The following SEC13 variants were observed in gnomAD, a reference collection of about 807,000 sequenced individuals.
SEC13 encodes the protein SEC13 homolog, nuclear pore and COPII component.
In SEC13, 25 loss-of-function variants were observed where a neutral mutation model predicts 49.2. That is an observed-to-expected ratio of 0.51 (90% CI 0.37 to 0.71). The LOEUF (loss-of-function observed/expected upper bound fraction) is 0.71. Ranked by LOEUF, SEC13 falls within the 30% of genes least tolerant of loss-of-function variation. The probability of loss-of-function intolerance (pLI) is 0.00; values close to 1 mark genes in which losing one functional copy is unlikely to be tolerated. For missense variants in SEC13, 383 were observed against 417.6 expected (o/e 0.92, Z 0.72); for synonymous variants, 148 against 163.9 (o/e 0.90, Z 0.74).
chr3:10,317,517 C>T lies in SEC13; in HGVS notation c.48+533G>A, dbSNP rs745790375. ...CCTCTTATACTGAGCCTTGTGTTTACCTCTCAGGAAATGCCCTGAGTGTGG... is the reference window on the plus strand; with the variant it reads ...CCTCTTATACTGAGCCTTGTGTTTATCTCTCAGGAAATGCCCTGAGTGTGG... On this transcript the variant is annotated intron_variant, in intron 2 of 8. Transcript: ENST00000350697. Among the ~76,000 whole-genome samples the T allele has an allele frequency of 1.1e-4, 16 of 151,992 alleles. 1 individual carries two copies. The highest frequency in any genetic ancestry group is 2.0e-4 in the Admixed American group (3 of 15,268).
chr3:10,312,944 T>C, intron 3 of SEC13: 1 of 515,532 alleles, frequency 1.9e-6, no homozygotes, highest in Non-Finnish European at 3.5e-6. Flanking sequence ...TCACAGAGCC[T>C]TTGAGAGAGA....
In SEC13 at chr3:10,305,040, C is replaced by T. The variant is rs1308259434; in HGVS notation, c.701G>A (p.Cys234Tyr). 1.2e-6 allele frequency: 2 copies of T among 1,614,108 alleles called. No individual in the cohort carries two copies. Among genetic ancestry groups the T allele is most frequent in the South Asian group, 1.1e-5 (1 of 91,086 alleles). ...IGLPTSTIAS[C>Y]SQDGRVFIWT... The stretch of plus-strand genomic sequence containing the variant: ...TCATGGCCCTGGGCTGACCTGGGAG[C>T]AGCTGGCGATGGTGCTGGTGGGCAG... The change falls in exon 7 of 9, where the codon TGC (cysteine) becomes TAC (tyrosine). Residue 234 changes from cysteine to tyrosine, a missense_variant. Coordinates refer to ENST00000350697, the MANE Select transcript of SEC13 (RefSeq NM_183352.3).
intron 5 of SEC13, among the ~76,000 whole-genome samples, chr3:10,308,933 ATTT>A (rs56801249): frequency 2.1e-4 from 21 of 102,334 alleles, no homozygotes; most frequent in African/African-American, 3.3e-4. Flanking sequence ...CCTGGCCTTG[ATTT>A]TTTTTTTTTT....
At chr3:10,301,632 T>G (rs947984524) in intron 8 of SEC13, among the ~76,000 whole-genome samples, 1 of 152,164 alleles carries the variant, frequency 6.6e-6, no homozygotes, top group African/African-American at 2.4e-5. Flanking sequence ...GTGACAGAGC[T>G]ACAGCGAGAG....
At chr3:10,312,169 T>G in intron 4 of SEC13, 71 bp from the exon 5 acceptor site, 1 of 1,502,182 alleles carries the variant, frequency 6.7e-7, no homozygotes, top group Non-Finnish European at 8.9e-7. Context: ...TTCCACAGAT[T>G]TACTGTTTTA....
chr3:10,303,734 G>A, intron 8 of SEC13: 1 of 470,350 alleles, frequency 2.1e-6, no homozygotes, highest in East Asian at 4.2e-5. Flanking sequence ...GTGACCAAAT[G>A]CTTAGTAGGG....
intron 2 of SEC13, 91 bp from the exon 3 acceptor site, chr3:10,315,527 C>T (rs1209892428): frequency 1.4e-6 from 1 of 706,900 alleles, no homozygotes; most frequent in Non-Finnish European, 2.4e-6. Flanking sequence ...TAGTTTGGAC[C>T]AGAATCTCCC....
At chr3:10,303,269 C>G (rs1486857020) in intron 8 of SEC13, among the ~76,000 whole-genome samples, 2 of 152,156 alleles carry the variant, frequency 1.3e-5, no homozygotes, top group Non-Finnish European at 2.9e-5. Flanking sequence ...ACTTCAGGCG[C>G]AGAGCAGATG....
At chr3:10,303,513 T>C (rs1355436276) in intron 8 of SEC13, 1 of 199,202 alleles carries the variant, frequency 5.0e-6, no homozygotes, top group Non-Finnish European at 1.0e-5. Flanking sequence ...GAGCAGCTGG[T>C]CTCCAGAACT....
chr3:10,320,053 G>A (rs966139130), intron 1 of SEC13, among the ~76,000 whole-genome samples: 5 of 151,488 alleles, frequency 3.3e-5, no homozygotes, highest in Non-Finnish European at 7.4e-5. Flanking sequence ...TTCTTCCCAG[G>A]GACCTGGTAT....
At position 10,304,023 on chromosome 3, in the gene SEC13, T is replaced by C. The variant is rs1156374026; in HGVS notation, c.855+3A>G. The C allele has an allele frequency of 7.4e-6, 12 of 1,613,882 alleles. No homozygotes were observed. The highest frequency in any genetic ancestry group is 1.0e-5 in the Non-Finnish European group (12 of 1,180,026). ...CACCATGCCACGGGGAATGGGTATG[T>C]ACCTTATTGTCTCCACCAGAGACAG... On this transcript the variant is annotated splice_donor_region_variant and intron_variant, in intron 8 of 8. Transcript: ENST00000350697.
At chr3:10,312,939 G>A (rs1701373756) in intron 3 of SEC13, 1 of 522,182 alleles carries the variant, frequency 1.9e-6, no homozygotes, top group Admixed American at 3.3e-5. Flanking sequence ...TAAGGTCACA[G>A]AGCCTTTGAG....
chr3:10,307,812 G>A (rs1463692594), intron 5 of SEC13, among the ~76,000 whole-genome samples: 3 of 151,430 alleles, frequency 2.0e-5, no homozygotes, highest in South Asian at 2.1e-4. Context: ...CAGGTGATCC[G>A]CCTGCCTCAG....
At chr3:10,305,311 G>GT (rs1553636011) in intron 6 of SEC13, 155 bp from the exon 7 acceptor site, 40,499 of 1,114,014 alleles carry the variant, frequency 0.036, 1,132 homozygotes, top group African/African-American at 0.18. Flanking sequence ...CACCCCAGCT[G>GT]TAAAAAAAAC....
intron 5 of SEC13, among the ~76,000 whole-genome samples, chr3:10,310,901 C>T (rs957346646): frequency 3.3e-5 from 5 of 152,194 alleles, no homozygotes; most frequent in Non-Finnish European, 7.4e-5. Context: ...TGCTGATACA[C>T]GCTATGATAT....
chr3:10,315,191 C>T, intron 3 of SEC13, 130 bp downstream of exon 3: 3 of 665,352 alleles, frequency 4.5e-6, no homozygotes, highest in Non-Finnish European at 7.9e-6. Context: ...GGGATCCCAG[C>T]GTCCTCTCCG....
At chr3:10,319,501 T>C (rs2059725799) in intron 1 of SEC13, among the ~76,000 whole-genome samples, 1 of 151,970 alleles carries the variant, frequency 6.6e-6, no homozygotes. Context: ...CAGAGCTAGT[T>C]CAAGGCAGAC....
chr3:10,312,584 G>C lies in SEC13; in HGVS notation c.311C>G (p.Ser104Cys). 1 of 1,614,158 alleles carries C rather than the reference G, an allele frequency of 6.2e-7. No individual in the cohort carries two copies. The highest frequency in any genetic ancestry group is 8.5e-7 in the Non-Finnish European group (1 of 1,180,018). ...EKSHEHAGHD[S>C]SVNSVCWAPH... is the part of the protein sequence containing the mutation. ...TGCTGCCAAGCTCAGCATACCTGAG[G>C]AGTCGTGTCCCGCATGCTCGTGGCT... Residue 104 changes from serine (S) to cysteine (C), a missense_variant, in exon 4 of 9, where the codon TCC (serine) becomes TGC (cysteine). By Grantham distance (112) the Ser-to-Cys change is moderately radical. Transcript: ENST00000350697.
At chr3:10,309,516 T>C (rs1000580618) in intron 5 of SEC13, among the ~76,000 whole-genome samples, 1 of 152,214 alleles carries the variant, frequency 6.6e-6, no homozygotes, top group African/African-American at 2.4e-5. Flanking sequence ...TCTTAGTCTT[T>C]CTTTACTTCT....
Sources: allele counts gnomAD v4.1 joint callset (sites outside exome capture counted in the v4.1 genomes callset), GRCh38; gene constraint gnomAD v4.1.1; transcripts MANE v1.5; gene names NCBI Gene and HGNC (gene_info 2026-07-23, HGNC 2026-07-21).